CNTN3: variants seen among roughly 807,000 people sequenced by gnomAD.
CNTN3 encodes contactin 3.
Under a neutral mutation model 119.1 loss-of-function variants are expected in CNTN3, and 60 were observed. That is an observed-to-expected ratio of 0.50 (90% CI 0.41 to 0.62). The LOEUF (loss-of-function observed/expected upper bound fraction) is 0.62, where lower values mean the gene tolerates loss of function less well. CNTN3 is among the 20% of genes least tolerant of loss of function. The probability of loss-of-function intolerance (pLI) is 0.00; values close to 1 mark genes in which losing one functional copy is unlikely to be tolerated. For synonymous variants in CNTN3, 450 were observed against 438.7 expected (o/e 1.03, Z -0.32); for missense variants, 1,101 against 1,242.4 (o/e 0.89, Z 1.71).
intron 19 of CNTN3, among the ~76,000 whole-genome samples, chr3:74,293,485 C>T (rs1250766584): frequency 6.6e-6 from 1 of 152,108 alleles, no homozygotes; most frequent in Non-Finnish European, 1.5e-5. Flanking sequence ...GCTGCCCCCA[C>T]TTTTTTTGAG....
intron 1 of CNTN3, among the ~76,000 whole-genome samples, chr3:74,566,083 C>T (rs781457005): frequency 2.6e-5 from 4 of 152,132 alleles, no homozygotes; most frequent in Non-Finnish European, 4.4e-5. Context: ...AACTATGAGT[C>T]AATTAAACTT....
In CNTN3 at chr3:74,487,041, G is replaced by A. The variant is rs1702872475; in HGVS notation, c.183-410C>T. Among the ~76,000 whole-genome samples the A allele has an allele frequency of 3.3e-5, 5 of 152,266 alleles. No individual in the cohort carries two copies. The South Asian group carries it at 8.3e-4, about 25-fold the overall frequency. On this transcript the variant is annotated intron_variant, in intron 3 of 22. Transcript: ENST00000263665. Reference sequence around the variant, plus strand: ...TCTTTGATTTATCCAGATTGACTGAGCACATTTAATAAATTAATTGGGTAA... The same window carrying A: ...TCTTTGATTTATCCAGATTGACTGAACACATTTAATAAATTAATTGGGTAA...
chr3:74,357,818 A>C (rs1703974167), intron 11 of CNTN3, among the ~76,000 whole-genome samples: 2 of 152,118 alleles, frequency 1.3e-5, no homozygotes, highest in Non-Finnish European at 2.9e-5. Flanking sequence ...TTTGTCATAA[A>C]TATCCCATTA....
intron 9 of CNTN3, 137 bp from the exon 10 acceptor site, chr3:74,364,733 C>T (rs1269770852): frequency 1.6e-6 from 1 of 626,536 alleles, no homozygotes; most frequent in African/African-American, 1.8e-5. Flanking sequence ...TGAAATTTAA[C>T]CTTTTCCTTA....
At chr3:74,301,367 T>G (rs757692132) in intron 16 of CNTN3, 31 bp downstream of exon 16, 5 of 1,602,306 alleles carry the variant, frequency 3.1e-6, no homozygotes, top group South Asian at 1.1e-5. Flanking sequence ...AGAAATCTAT[T>G]AATCCATTAC....
At position 74,479,267 on chromosome 3, in the gene CNTN3, C is replaced by T. The variant is rs370484842; in HGVS notation, c.358+7189G>A. Among the ~76,000 whole-genome samples the T allele has an allele frequency of 5.0e-4, 60 of 119,734 alleles. No individual in the cohort carries two copies. In the East Asian group the frequency reaches 8.5e-3, roughly 17 times the overall value. The allele number at this position is 119,734 out of a possible 152,430, so 78.6% of individuals were successfully genotyped here. Reference sequence around the variant, plus strand: ...AGTAACCAAGATGTGAAATAAAATTCGACCCATAACAAATCAAGTCATTGT... The same window carrying T: ...AGTAACCAAGATGTGAAATAAAATTTGACCCATAACAAATCAAGTCATTGT... On this transcript the variant is annotated intron_variant, in intron 4 of 22. Coordinates refer to ENST00000263665, the MANE Select transcript of CNTN3 (RefSeq NM_020872.3).
At chr3:74,421,396 C>T (rs1045064655) in intron 5 of CNTN3, among the ~76,000 whole-genome samples, 1 of 152,030 alleles carries the variant, frequency 6.6e-6, no homozygotes, top group African/African-American at 2.4e-5. Context: ...TCTTGAACTC[C>T]TGAGCTCAAG....
At chr3:74,466,507 G>A (rs1446805120) in intron 4 of CNTN3, among the ~76,000 whole-genome samples, 1 of 152,090 alleles carries the variant, frequency 6.6e-6, no homozygotes. Flanking sequence ...CTGTTTTGGT[G>A]TTAGAAAAAA....
chr3:74,487,593 C>T (rs1274790098), intron 3 of CNTN3, among the ~76,000 whole-genome samples: 2 of 151,898 alleles, frequency 1.3e-5, no homozygotes, highest in Admixed American at 6.6e-5. Context: ...GACAACTGTC[C>T]CCAAAACTAT....
At chr3:74,443,626 C>T (rs1702001993) in intron 4 of CNTN3, among the ~76,000 whole-genome samples, 1 of 152,194 alleles carries the variant, frequency 6.6e-6, no homozygotes, top group Admixed American at 6.5e-5. Flanking sequence ...TCCTTTCCCT[C>T]TATGGCACAG....
intron 13 of CNTN3, among the ~76,000 whole-genome samples, chr3:74,317,683 T>C (rs1702870639): frequency 6.6e-6 from 1 of 152,226 alleles, no homozygotes; most frequent in Non-Finnish European, 1.5e-5. Flanking sequence ...TCTTCTGGCT[T>C]GTAGAGTTTC....
intron 5 of CNTN3, among the ~76,000 whole-genome samples, chr3:74,392,973 G>A (rs1704952904): frequency 6.6e-6 from 1 of 151,894 alleles, no homozygotes; most frequent in Admixed American, 6.6e-5. Context: ...TTTCATAAAT[G>A]GTACTGTGTT....
Position 74,359,475 on chromosome 3 carries a change from T to C in CNTN3, c.1364+2415A>G, listed in dbSNP as rs567648081. Among the ~76,000 whole-genome samples, 36 of 152,208 alleles carry C rather than the reference T, an allele frequency of 2.4e-4. 1 individual carries two copies. Among genetic ancestry groups the C allele is most frequent in the Non-Finnish European group, 1.2e-4 (8 of 67,990 alleles). On this transcript the variant is annotated intron_variant, in intron 11 of 22. Coordinates refer to ENST00000263665, the MANE Select transcript of CNTN3 (RefSeq NM_020872.3). ...GTTCAAAAATCTTCGAACACAAAAA[T>C]GTCAGCAGTTCTAAAGGAAGAGTTA... is the stretch of plus-strand genomic sequence containing the variant.
chr3:74,585,362 A>G (rs1277599998), intron 1 of CNTN3, among the ~76,000 whole-genome samples: 1 of 152,174 alleles, frequency 6.6e-6, no homozygotes, highest in Non-Finnish European at 1.5e-5. Context: ...AAGGATAACT[A>G]TATATAAGCC....
intron 3 of CNTN3, among the ~76,000 whole-genome samples, chr3:74,493,041 T>C (rs1360659686): frequency 6.6e-6 from 1 of 152,148 alleles, no homozygotes; most frequent in African/African-American, 2.4e-5. Flanking sequence ...ACTGTGGTCA[T>C]CCATATTGCC....
chr3:74,586,806 C>G (rs1037846496), intron 1 of CNTN3, among the ~76,000 whole-genome samples: 2 of 151,948 alleles, frequency 1.3e-5, no homozygotes, highest in African/African-American at 4.8e-5. Context: ...TCAAGCAGGA[C>G]CCTATCTTGA....
chr3:74,568,010 T>C (rs900864812), intron 1 of CNTN3, among the ~76,000 whole-genome samples: 2 of 152,146 alleles, frequency 1.3e-5, no homozygotes, highest in African/African-American at 2.4e-5. Flanking sequence ...CCCAAGAACA[T>C]TCCCAAAGGC....
chr3:74,322,439 C>T lies in CNTN3; in HGVS notation c.1668+12296G>A, dbSNP rs148690226. ...TTCACTAGGGAATTGCAAATTAAAACGAGATACCACTACATATCTATTAGA... is the reference window on the plus strand; with the variant it reads ...TTCACTAGGGAATTGCAAATTAAAATGAGATACCACTACATATCTATTAGA... On this transcript the variant is annotated intron_variant, in intron 13 of 22. Coordinates refer to ENST00000263665, the MANE Select transcript of CNTN3 (RefSeq NM_020872.3). Among the ~76,000 whole-genome samples the T allele has an allele frequency of 2.4e-3, 360 of 152,186 alleles. 1 individual carries two copies. Among genetic ancestry groups the T allele is most frequent in the African/African-American group, 8.0e-3 (331 of 41,532 alleles).
At position 74,355,226 on chromosome 3, in the gene CNTN3, G is replaced by C. The variant is rs537238741; in HGVS notation, c.1364+6664C>G. 6.6e-5 allele frequency among the ~76,000 whole-genome samples: 10 copies of C among 152,174 alleles called. No individual in the cohort carries two copies. The East Asian group carries it at 1.9e-3, about 29-fold the overall frequency. On this transcript the variant is annotated intron_variant, in intron 11 of 22. Transcript: ENST00000263665. ...CCCTGAATCCTAACCTGGAAATCTA[G>C]GATTTATCCTCGACTCCTGTCTTCT...
Sources: allele counts gnomAD v4.1 joint callset (sites outside exome capture counted in the v4.1 genomes callset), GRCh38; gene constraint gnomAD v4.1.1; transcripts MANE v1.5; gene names NCBI Gene and HGNC (gene_info 2026-07-23, HGNC 2026-07-21).